XIST: variants seen among roughly 807,000 people sequenced by gnomAD.
XIST encodes the protein X inactive specific transcript (non-protein coding).
chrX:73,846,905 G>T (rs770633182), exon 1 of XIST: 45 of 557,574 alleles, frequency 8.1e-5, no homozygotes, highest in Non-Finnish European at 1.4e-4. Flanking sequence ...AGAAACCCAA[G>T]TCTAATTGAA....
At chrX:73,840,929 A>G (rs1922574850) in intron 1 of XIST, among the ~76,000 whole-genome samples, 1 of 112,131 alleles carries the variant, frequency 8.9e-6, no homozygotes, top group African/African-American at 3.2e-5. Flanking sequence ...CTTGGCTTAA[A>G]GAGAAAAAGC....
At chrX:73,849,502 T>C in exon 1 of XIST, 1 of 558,743 alleles carries the variant, frequency 1.8e-6, no homozygotes, top group South Asian at 2.2e-5. Context: ...GACAGAGAAA[T>C]GGTTTCTCCT....
intron 5 of XIST, chrX:73,829,018 T>C (rs1446000674): frequency 1.9e-6 from 1 of 513,224 alleles, no homozygotes; most frequent in Non-Finnish European, 3.5e-6. Context: ...AAACAGCTGT[T>C]ATAACAGTTC....
Position 73,825,811 on chromosome X carries a change from TTC to T in XIST, n.14088_14089del, listed in dbSNP as rs745528618. The T allele has an allele frequency of 1.3e-5, 7 of 536,156 alleles. No homozygotes were observed. The East Asian group carries it at 2.3e-4, about 18-fold the overall frequency. The allele number at this position is 536,156 out of a possible 1,213,427, so 44.2% of individuals were successfully genotyped here. On this transcript the variant is annotated non_coding_transcript_exon_variant, in exon 6 of 6. Coordinates refer to ENST00000429829, the Ensembl canonical transcript of XIST. ...TGATTGCCAATACACTAATTGGTTT[TTC>T]TCTTATGTTTTACAGTGCTTTCATA...
chrX:73,840,761 T>C (rs939266150), intron 1 of XIST, among the ~76,000 whole-genome samples: 3 of 111,866 alleles, frequency 2.7e-5, no homozygotes, highest in African/African-American at 9.7e-5. Context: ...GCTTATGAGA[T>C]TTAGCAATCA....
chrX:73,841,704 CTT>C, exon 1 of XIST: 1 of 517,261 alleles, frequency 1.9e-6, no homozygotes, highest in South Asian at 2.4e-5. Flanking sequence ...GGGAACTCGT[CTT>C]ATCATTTTTA....
intron 1 of XIST, among the ~76,000 whole-genome samples, chrX:73,838,546 G>A (rs1032578181): frequency 2.7e-5 from 3 of 111,124 alleles, no homozygotes; most frequent in African/African-American, 9.8e-5. Flanking sequence ...CAGTAAAGGA[G>A]AGGCTTCTTT....
exon 1 of XIST, chrX:73,841,401 G>C: frequency 1.9e-6 from 1 of 536,018 alleles, no homozygotes; most frequent in Non-Finnish European, 3.3e-6. Flanking sequence ...AAGAGCCAGA[G>C]ACTCTTCTTT....
At chrX:73,837,392 A>G (rs927716592) in intron 2 of XIST, 2 of 468,376 alleles carry the variant, frequency 4.3e-6, no homozygotes, top group Admixed American at 3.3e-5. Flanking sequence ...TTAGTCCTCA[A>G]AACTGTGAAG....
At chrX:73,825,204 T>A (rs777597168) in exon 6 of XIST, 2 of 556,411 alleles carry the variant, frequency 3.6e-6, no homozygotes, top group African/African-American at 4.5e-5. Context: ...GCAGTTTCCA[T>A]GTGTTTTCGT....
chrX:73,850,919 C>T, exon 1 of XIST: 1 of 556,587 alleles, frequency 1.8e-6, no homozygotes, highest in Non-Finnish European at 3.2e-6. Flanking sequence ...GCTAAATGTC[C>T]TTGAAAAGAC....
At chrX:73,841,460 G>A (rs758389825) in exon 1 of XIST, 4 of 555,891 alleles carry the variant, frequency 7.2e-6, no homozygotes, top group Non-Finnish European at 9.7e-6. Flanking sequence ...GAGCTGGGCC[G>A]ATCTTTTGAC....
chrX:73,846,351 T>A, exon 1 of XIST: 1 of 558,450 alleles, frequency 1.8e-6, no homozygotes, highest in South Asian at 2.2e-5. Flanking sequence ...AATGTGAGAG[T>A]CTTATGGAGT....
intron 1 of XIST, among the ~76,000 whole-genome samples, chrX:73,839,222 G>C (rs1014587858): frequency 9.0e-6 from 1 of 111,157 alleles, no homozygotes; most frequent in Non-Finnish European, 1.9e-5. Flanking sequence ...CTGTAATTTA[G>C]GGAGGTGGCT....
exon 6 of XIST, chrX:73,822,751 T>G (rs1418589157): frequency 1.8e-6 from 1 of 548,011 alleles, no homozygotes; most frequent in Admixed American, 2.3e-5. Context: ...CATTTAGCAT[T>G]TAGTATCATC....
chrX:73,826,736 A>G, exon 6 of XIST: 3 of 558,466 alleles, frequency 5.4e-6, no homozygotes, highest in Non-Finnish European at 9.7e-6. Flanking sequence ...GTCTTGAGAT[A>G]CCTTTTTCGC....
exon 6 of XIST, chrX:73,826,771 G>A: frequency 3.6e-6 from 2 of 558,606 alleles, no homozygotes; most frequent in South Asian, 2.2e-5. Context: ...CATCTAGGTA[G>A]GCTTTGTGAC....
At chrX:73,821,619 C>A (rs780624129) in exon 6 of XIST, 6 of 556,599 alleles carry the variant, frequency 1.1e-5, no homozygotes, top group Non-Finnish European at 1.9e-5. Flanking sequence ...GTTCTTAAGA[C>A]CAATTCAGAA....
chrX:73,840,555 T>C (rs1420740399), intron 1 of XIST, among the ~76,000 whole-genome samples: 2 of 111,744 alleles, frequency 1.8e-5, no homozygotes, highest in Non-Finnish European at 3.8e-5. Context: ...AACTACAGCA[T>C]AAAGTAGGCA....
Sources: gnomAD v4.1 joint callset for allele counts (sites outside exome capture counted in the v4.1 genomes callset) on GRCh38, gnomAD v4.1.1 for gene constraint, MANE v1.5 for transcripts, NCBI Gene and HGNC (gene_info 2026-07-23, HGNC 2026-07-21) for gene names.